FBXW7: variants seen among roughly 807,000 people sequenced by gnomAD.
The protein encoded by FBXW7 is F-box and WD repeat domain containing 7, also known as F-box/WD repeat-containing protein 7.
In FBXW7, 11 loss-of-function variants were observed where a neutral mutation model predicts 86.3. That is an observed-to-expected ratio of 0.13 (90% CI 0.08 to 0.21). The LOEUF is 0.21. FBXW7 is among the 10% of genes least tolerant of loss of function. FBXW7 has a pLI of 1.00. For synonymous variants in FBXW7, 313 were observed against 297.9 expected (o/e 1.05, Z -0.52); for missense variants, 488 against 847.4 (o/e 0.58, Z 5.27).
chr4:152,382,413 T>G, intron 4 of FBXW7: 7 of 1,290,440 alleles, frequency 5.4e-6, no homozygotes, highest in Non-Finnish European at 5.9e-6. Context: ...CCACTAAATT[T>G]TAAAAATATA....
intron 2 of FBXW7, among the ~76,000 whole-genome samples, chr4:152,504,097 T>TA (rs1747197790): frequency 1.3e-5 from 2 of 152,314 alleles, no homozygotes; most frequent in East Asian, 1.9e-4. Context: ...AAAATGGCAG[T>TA]ATTCTTTTGT....
chr4:152,457,946 A>G (rs1742583396), intron 2 of FBXW7, among the ~76,000 whole-genome samples: 1 of 151,914 alleles, frequency 6.6e-6, no homozygotes, highest in African/African-American at 2.4e-5. Flanking sequence ...CTAAAAAAAA[A>G]AAAAGTTACT....
chr4:152,442,644 G>A (rs777186248), intron 2 of FBXW7, among the ~76,000 whole-genome samples: 13 of 152,128 alleles, frequency 8.5e-5, no homozygotes, highest in Non-Finnish European at 1.6e-4. Flanking sequence ...TTAAAGGACA[G>A]GTAACAAATA....
chr4:152,409,440 C>T (rs191181378), intron 4 of FBXW7, among the ~76,000 whole-genome samples: 20 of 152,068 alleles, frequency 1.3e-4, no homozygotes, highest in Middle Eastern at 3.4e-3. Flanking sequence ...CATGTATACA[C>T]GGAGAATACT....
intron 2 of FBXW7, among the ~76,000 whole-genome samples, chr4:152,526,676 A>G (rs533727771): frequency 3.3e-5 from 5 of 152,340 alleles, no homozygotes; most frequent in African/African-American, 1.2e-4. Flanking sequence ...AGAGATGGGC[A>G]ACTAAAAAGG....
At chr4:152,376,231 T>C (rs1026167135) in intron 4 of FBXW7, among the ~76,000 whole-genome samples, 4 of 152,078 alleles carry the variant, frequency 2.6e-5, no homozygotes, top group African/African-American at 4.8e-5. Context: ...ATTCATTATA[T>C]AGCCATTGAA....
chr4:152,436,451 A>G (rs981123085), intron 2 of FBXW7, among the ~76,000 whole-genome samples: 4 of 152,242 alleles, frequency 2.6e-5, no homozygotes, highest in African/African-American at 9.6e-5. Context: ...ATATAAGTAC[A>G]AGGTAAAGCA....
chr4:152,331,525 A>G (rs1435997762), intron 8 of FBXW7, among the ~76,000 whole-genome samples: 1 of 152,102 alleles, frequency 6.6e-6, no homozygotes, highest in Admixed American at 6.6e-5. Flanking sequence ...TCAAACTCAT[A>G]GAGACAGAAA....
chr4:152,528,604 A>G lies in FBXW7; in HGVS notation c.-120+6337T>C, dbSNP rs1276753080. ...CAGATGCTCCCTCAAATGTTTCACA[A>G]TTCTTAAGTTGTAATAGGAAGAAAT... On this transcript the variant is annotated intron_variant, in intron 2 of 13. Coordinates refer to ENST00000281708, the MANE Select transcript of FBXW7 (RefSeq NM_001349798.2). 2.0e-5 allele frequency among the ~76,000 whole-genome samples: 3 copies of G among 152,320 alleles called. No homozygotes were observed. In the East Asian group the frequency reaches 5.8e-4, roughly 29 times the overall value.
At chr4:152,346,124 T>A (rs190763359) in intron 6 of FBXW7, among the ~76,000 whole-genome samples, 110 of 152,286 alleles carry the variant, frequency 7.2e-4, no homozygotes, top group African/African-American at 2.4e-3. Flanking sequence ...TAAATCAATG[T>A]AATATCACTA....
intron 2 of FBXW7, among the ~76,000 whole-genome samples, chr4:152,433,919 AG>A (rs1579187988): frequency 6.6e-6 from 1 of 152,342 alleles, no homozygotes; most frequent in East Asian, 1.9e-4. Context: ...TAGAAACTAT[AG>A]GAAGTAACAG....
At chr4:152,483,316 T>C (rs1745053261) in intron 2 of FBXW7, among the ~76,000 whole-genome samples, 1 of 152,158 alleles carries the variant, frequency 6.6e-6, no homozygotes, top group Admixed American at 6.6e-5. Context: ...TAGTCTGATC[T>C]TGTTAAAATG....
At chr4:152,399,248 T>G (rs1736701993) in intron 4 of FBXW7, among the ~76,000 whole-genome samples, 1 of 151,998 alleles carries the variant, frequency 6.6e-6, no homozygotes, top group African/African-American at 2.4e-5. Context: ...TACCACAGAG[T>G]CATCTACTAA....
At chr4:152,402,781 C>T (rs1421694864) in intron 4 of FBXW7, among the ~76,000 whole-genome samples, 2 of 152,184 alleles carry the variant, frequency 1.3e-5, no homozygotes, top group Non-Finnish European at 2.9e-5. Context: ...GAGAAGATCA[C>T]AGATGAATAT....
intron 2 of FBXW7, among the ~76,000 whole-genome samples, chr4:152,473,654 T>G (rs1368258026): frequency 6.6e-6 from 1 of 152,088 alleles, no homozygotes; most frequent in Non-Finnish European, 1.5e-5. Flanking sequence ...CTAATTTTTT[T>G]TTTATTTTCC....
In FBXW7 at chr4:152,371,840, T is replaced by G. The variant is rs557095793; in HGVS notation, c.502-21716A>C. ...TTAATTAAGCCATGTTCATCTAATT[T>G]TGATATGTGACCATGAAATGTGGAT... On this transcript the variant is annotated intron_variant, in intron 4 of 13. Transcript: ENST00000281708. Among the ~76,000 whole-genome samples the G allele has an allele frequency of 4.6e-5, 7 of 152,130 alleles. No individual in the cohort carries two copies. The South Asian group carries it at 1.0e-3, about 23-fold the overall frequency.
intron 2 of FBXW7, among the ~76,000 whole-genome samples, chr4:152,489,092 A>G (rs1006832820): frequency 9.6e-4 from 146 of 152,232 alleles, no homozygotes; most frequent in African/African-American, 3.4e-3. Context: ...TTAGGTAAAT[A>G]AACAGCACGT....
At chr4:152,448,941 G>C (rs1741660302) in intron 2 of FBXW7, among the ~76,000 whole-genome samples, 1 of 152,150 alleles carries the variant, frequency 6.6e-6, no homozygotes, top group African/African-American at 2.4e-5. Context: ...GTTTAGATCT[G>C]TTTGCCTACT....
intron 2 of FBXW7, among the ~76,000 whole-genome samples, chr4:152,505,940 G>A (rs977677215): frequency 1.3e-5 from 2 of 151,212 alleles, no homozygotes; most frequent in African/African-American, 2.4e-5. Flanking sequence ...AGGGTTTTGC[G>A]ATGTTGGCCA....
Sources: allele counts gnomAD v4.1 joint callset (sites outside exome capture counted in the v4.1 genomes callset), GRCh38; gene constraint gnomAD v4.1.1; transcripts MANE v1.5; gene names NCBI Gene and HGNC (gene_info 2026-07-23, HGNC 2026-07-21).